The following PTCRA variants were observed in gnomAD, a reference collection of about 807,000 sequenced individuals.
PTCRA encodes the protein pre T cell antigen receptor alpha.
Under a neutral mutation model 13.4 loss-of-function variants are expected in PTCRA, and 9 were observed. The ratio of observed to expected loss-of-function variants is 0.67; its 90% CI spans 0.41 to 1.18. The LOEUF is 1.18. Among genes scored for constraint, PTCRA ranks in the 50% most tolerant of loss-of-function variants. The pLI is 0.01. For missense variants in PTCRA, 353 were observed against 359.8 expected, an observed-to-expected ratio of 0.98 and a Z score of 0.15; for synonymous variants, 153 against 161.9, an observed-to-expected ratio of 0.94 and a Z score of 0.42.
intron 1 of PTCRA, among the ~76,000 whole-genome samples, chr6:42,919,492 T>A (rs1767038579): frequency 1.3e-5 from 2 of 151,706 alleles, no homozygotes; most frequent in Admixed American, 6.6e-5. Flanking sequence ...GGCATGAGGA[T>A]CTCTTGAGCG....
In PTCRA at chr6:42,924,253, G is replaced by GC. The variant is rs1767320282; in HGVS notation, c.409dup (p.Gln137ProfsTer28). On this transcript the variant is annotated frameshift_variant, in exon 3 of 4. Transcript: ENST00000304672. LOFTEE classifies it low-confidence loss of function (END_TRUNC). ...GGAGAGGCTTCTACAGCCAGGACCT[G>GC]CCCCCAGGAGCCTCTCAGGGGTGAG... is the stretch of plus-strand genomic sequence containing the variant. 3 of 1,611,714 alleles carry GC rather than the reference G, an allele frequency of 1.9e-6. No homozygotes were observed. Among genetic ancestry groups the GC allele is most frequent in the Admixed American group, 1.7e-5 (1 of 59,548 alleles).
rs1767387106 is a variant in PTCRA, at chr6:42,925,429, C to CGGCCACGGAGACTGGGGGACGAGA, written c.600_623dup (p.Glu201_Thr208dup). 1 of 1,555,454 alleles carries CGGCCACGGAGACTGGGGGACGAGA rather than the reference C, an allele frequency of 6.4e-7. No individual in the cohort carries two copies. On this transcript the variant is annotated inframe_insertion, in exon 4 of 4. Coordinates refer to ENST00000304672, the MANE Select transcript of PTCRA (RefSeq NM_138296.3). The surrounding 1 kb of genome is among the most constrained non-coding windows in gnomAD (Gnocchi z 4.4). Reference sequence around the variant, plus strand: ...GCCCTCGGCTCCCATCGACTGCACCCGGCCACGGAGACTGGGGGACGAGAG... The same window carrying CGGCCACGGAGACTGGGGGACGAGA: ...GCCCTCGGCTCCCATCGACTGCACCCGGCCACGGAGACTGGGGGACGAGAGGCCACGGAGACTGGGGGACGAGAG...
chr6:42,916,214 G>T, intron 1 of PTCRA, 87 bp downstream of exon 1: 1 of 1,312,394 alleles, frequency 7.6e-7, no homozygotes, highest in East Asian at 2.3e-5. Context: ...GGTACTGATG[G>T]GCTGCAGGGA....
chr6:42,919,523 G>A (rs1215469198), intron 1 of PTCRA, among the ~76,000 whole-genome samples: 4 of 151,256 alleles, frequency 2.6e-5, no homozygotes, highest in African/African-American at 7.3e-5. Context: ...AGACCAGCTA[G>A]GACAACATAG....
Position 42,925,685 on chromosome 6 carries a change from GC to G in PTCRA, c.*4del. The G allele has an allele frequency of 6.6e-7, 1 of 1,514,130 alleles. No individual in the cohort carries two copies. The highest frequency in any genetic ancestry group is 8.8e-7 in the Non-Finnish European group (1 of 1,130,050). 93.8% of individuals were successfully genotyped at this position (1,514,130 alleles called of 1,614,324 possible). On this transcript the variant is annotated 3_prime_UTR_variant, in exon 4 of 4. Coordinates refer to ENST00000304672, the MANE Select transcript of PTCRA (RefSeq NM_138296.3). The surrounding 1 kb of genome is among the most constrained non-coding windows in gnomAD (Gnocchi z 4.4). ...CTCTGCAGGCTGGAGCTGCCTGAGG[GC>G]AGGGCTCTACCTCCCCTGCGTCACA...
In PTCRA at chr6:42,919,772, G is replaced by A. The variant is rs1389589177; in HGVS notation, c.59-3255G>A. ...AAAAATAACATTCTGGGCCAGGTGC[G>A]GTGGCTCACGTCTGTAATCCCAGCA... is the stretch of plus-strand genomic sequence containing the variant. On this transcript the variant is annotated intron_variant, in intron 1 of 3. Transcript: ENST00000304672. Among the ~76,000 whole-genome samples, 8 of 150,406 alleles carry A rather than the reference G, an allele frequency of 5.3e-5. No homozygotes were observed. The East Asian group carries it at 1.2e-3, about 22-fold the overall frequency.
At chr6:42,921,496 CAACTTCCGCTTCCCT>C (rs893052875) in intron 1 of PTCRA, among the ~76,000 whole-genome samples, 1 of 145,024 alleles carries the variant, frequency 6.9e-6, no homozygotes, top group African/African-American at 2.6e-5. Context: ...AGGCTCACTG[CAACTTCCGCTTCCCT>C]GGTTCAAGTG....
rs750343059 is a variant in PTCRA, at chr6:42,923,041, C to T, written c.73C>T (p.Pro25Ser). Residue 25 changes from proline to serine, a missense_variant, in exon 2 of 4, where the codon CCC becomes TCC. Coordinates refer to ENST00000304672, the MANE Select transcript of PTCRA (RefSeq NM_138296.3). ...CTCTCTTGCAGGTGTGGGCGGCACACCCTTTCCTTCTCTGGCCCCACCAAT... is the reference window on the plus strand; with the variant it reads ...CTCTCTTGCAGGTGTGGGCGGCACATCCTTTCCTTCTCTGGCCCCACCAAT... ...PALPTGVGGT[P>S]FPSLAPPIML... 6.8e-6 allele frequency: 11 copies of T among 1,614,194 alleles called. No homozygotes were observed. The highest frequency in any genetic ancestry group is 1.7e-4 in the Middle Eastern group (1 of 6,060).
At chr6:42,919,224 G>T (rs1054692413) in intron 1 of PTCRA, among the ~76,000 whole-genome samples, 1 of 151,954 alleles carries the variant, frequency 6.6e-6, no homozygotes, top group East Asian at 1.9e-4. Context: ...TCGATCTCCT[G>T]ACCTTGTGAT....
At chr6:42,924,461 G>A (rs553185529) in intron 3 of PTCRA, 188 bp downstream of exon 3, 1 of 647,046 alleles carries the variant, frequency 1.5e-6, no homozygotes, top group East Asian at 3.0e-5. Context: ...CATAAGATGG[G>A]GGTGAATCCT....
chr6:42,917,546 A>ATTATTATTATTATTG (rs2114114668), intron 1 of PTCRA, among the ~76,000 whole-genome samples: 1 of 138,348 alleles, frequency 7.2e-6, no homozygotes, highest in South Asian at 2.2e-4. Flanking sequence ...TATTATTATT[A>ATTATTATTATTATTG]TTATTATTAT....
chr6:42,925,560 A>T lies in PTCRA; in HGVS notation c.724A>T (p.Ser242Cys), dbSNP rs2114137649. The T allele has an allele frequency of 6.3e-7, 1 of 1,598,862 alleles. No individual in the cohort carries two copies. ...ATGGGGGGAAGGGTCTTACCTCAGC[A>T]GTTACCCCACTTGCCCAGCACAGGC... ...PVWGEGSYLS[S>C]YPTCPAQAWC... The change falls in exon 4 of 4, where the codon AGT (serine) becomes TGT (cysteine). Residue 242 changes from serine to cysteine, a missense_variant. By Grantham distance (112) the Ser-to-Cys change is moderately radical. Coordinates refer to ENST00000304672, the MANE Select transcript of PTCRA (RefSeq NM_138296.3). The surrounding 1 kb of genome is among the most constrained non-coding windows in gnomAD (Gnocchi z 4.4).
intron 2 of PTCRA, 92 bp from the exon 3 acceptor site, chr6:42,924,137 C>T: frequency 8.7e-7 from 1 of 1,155,476 alleles, no homozygotes; most frequent in Non-Finnish European, 1.2e-6. Context: ...TCGACACCCA[C>T]CCTGTGCCAG....
At chr6:42,919,493 C>T (rs959977284) in intron 1 of PTCRA, among the ~76,000 whole-genome samples, 8 of 151,664 alleles carry the variant, frequency 5.3e-5, no homozygotes, top group African/African-American at 1.9e-4. Flanking sequence ...GCATGAGGAT[C>T]TCTTGAGCGC....
In PTCRA at chr6:42,924,018, A is replaced by C. The variant is rs561724231; in HGVS notation, c.380-211A>C. Among the ~76,000 whole-genome samples the C allele has an allele frequency of 1.1e-4, 17 of 152,356 alleles. No individual in the cohort carries two copies. In the South Asian group the frequency reaches 3.5e-3, roughly 32 times the overall value. ...GGGCTCCCCAGCCTCCCCAGGGCACAGAACAGGGGACACTGCAAAGTGAGG... is the reference window on the plus strand; with the variant it reads ...GGGCTCCCCAGCCTCCCCAGGGCACCGAACAGGGGACACTGCAAAGTGAGG... On this transcript the variant is annotated intron_variant, in intron 2 of 3. Coordinates refer to ENST00000304672, the MANE Select transcript of PTCRA (RefSeq NM_138296.3).
chr6:42,922,098 C>T (rs1767197630), intron 1 of PTCRA: 3 of 608,086 alleles, frequency 4.9e-6, no homozygotes, highest in African/African-American at 1.9e-5. Context: ...GAAAAAATAC[C>T]CAAGCACACT....
chr6:42,922,354 C>G, intron 1 of PTCRA: 1 of 662,610 alleles, frequency 1.5e-6, no homozygotes, highest in Non-Finnish European at 2.7e-6. Context: ...TGTTGTATCT[C>G]TAGTTCCTGG....
At chr6:42,920,046 T>C (rs916288806) in intron 1 of PTCRA, among the ~76,000 whole-genome samples, 4 of 146,900 alleles carry the variant, frequency 2.7e-5, no homozygotes, top group Non-Finnish European at 6.0e-5. Context: ...ATAGGCCGGG[T>C]GAGGTGGCTC....
chr6:42,925,246 G>A lies in PTCRA; in HGVS notation c.425-15G>A, dbSNP rs759007225. ...TGCGGGCTCCTGCGGGCTCCTGAGC[G>A]GTTCCTCCTCGCAGGGACACCGGGT... On this transcript the variant is annotated splice_polypyrimidine_tract_variant and intron_variant, in intron 3 of 3. Coordinates refer to ENST00000304672, the MANE Select transcript of PTCRA (RefSeq NM_138296.3). The surrounding 1 kb of genome is among the most constrained non-coding windows in gnomAD (Gnocchi z 4.4). The A allele has an allele frequency of 4.2e-5, 66 of 1,579,962 alleles. No individual in the cohort carries two copies. Among genetic ancestry groups the A allele is most frequent in the South Asian group, 2.0e-4 (18 of 88,100 alleles).
Sources: allele counts gnomAD v4.1 joint callset (sites outside exome capture counted in the v4.1 genomes callset), GRCh38; gene constraint gnomAD v4.1.1; non-coding constraint Gnocchi (gnomAD v3.1); transcripts MANE v1.5; gene names NCBI Gene and HGNC (gene_info 2026-07-23, HGNC 2026-07-21).